LMCD1: variants seen among roughly 807,000 people sequenced by gnomAD.
LMCD1 encodes LIM and cysteine-rich domains protein 1.
A neutral mutation model predicts 42.7 loss-of-function variants in LMCD1; 32 were observed. The ratio of observed to expected loss-of-function variants is 0.75; its 90% CI spans 0.57 to 1.01. LMCD1 has a LOEUF of 1.01. LMCD1 is among the 50% of genes least tolerant of loss of function. The probability of loss-of-function intolerance (pLI) is 0.00; values close to 1 mark genes in which losing one functional copy is unlikely to be tolerated. For synonymous variants in LMCD1, 178 were observed against 184.9 expected, an observed-to-expected ratio of 0.96 and a Z score of 0.30; for missense variants, 458 against 483.1, an observed-to-expected ratio of 0.95 and a Z score of 0.49.
intron 1 of LMCD1, among the ~76,000 whole-genome samples, chr3:8,509,461 G>A (rs1056460878): frequency 6.6e-6 from 1 of 152,150 alleles, no homozygotes; most frequent in African/African-American, 2.4e-5. Flanking sequence ...ATAAGATAGG[G>A]CAACAGTCAC....
intron 2 of LMCD1, among the ~76,000 whole-genome samples, chr3:8,534,348 C>A (rs963364084): frequency 6.6e-6 from 1 of 151,944 alleles, no homozygotes; most frequent in Admixed American, 6.6e-5. Flanking sequence ...AATTCTGGAC[C>A]CTATTTTTCA....
intron 5 of LMCD1, among the ~76,000 whole-genome samples, chr3:8,567,196 A>G (rs1695144274): frequency 6.6e-6 from 1 of 152,186 alleles, no homozygotes; most frequent in Non-Finnish European, 1.5e-5. Context: ...TACCTAGATA[A>G]GTAAAACCTG....
At chr3:8,524,748 G>A (rs951319969) in intron 1 of LMCD1, among the ~76,000 whole-genome samples, 3 of 152,044 alleles carry the variant, frequency 2.0e-5, no homozygotes, top group Admixed American at 6.6e-5. Context: ...GCAGTGGCAC[G>A]ATCACAGGTC....
chr3:8,536,285 C>T (rs191706475), intron 2 of LMCD1, among the ~76,000 whole-genome samples: 265 of 152,252 alleles, frequency 1.7e-3, no homozygotes, highest in South Asian at 3.1e-3. Flanking sequence ...GGTGACAGGC[C>T]GGAAAGGGAG....
In LMCD1 at chr3:8,573,362, C is replaced by G. The variant is rs375752716; in HGVS notation, c.*5764C>G. The G allele has an allele frequency of 5.0e-4, 76 of 152,274 alleles. No individual in the cohort carries two copies. Among genetic ancestry groups the G allele is most frequent in the African/African-American group, 1.7e-3 (72 of 41,554 alleles). The allele number at this position is 152,274 out of a possible 1,614,324, so 9.4% of individuals were successfully genotyped here. ...AATCAAGCTAACATATCCATTACCT[C>G]ACATAGTTATTTTTTGTGGTGAGAA... On this transcript the variant is annotated 3_prime_UTR_variant, in exon 6 of 6. Coordinates refer to ENST00000157600, the MANE Select transcript of LMCD1 (RefSeq NM_014583.4).
At chr3:8,533,005 G>T (rs1272658077) in intron 2 of LMCD1, among the ~76,000 whole-genome samples, 180 bp downstream of exon 2, 7 of 152,138 alleles carry the variant, frequency 4.6e-5, no homozygotes, top group Non-Finnish European at 1.0e-4. Context: ...GTCCTTGGGG[G>T]AGTGTGGCGG....
intron 4 of LMCD1, among the ~76,000 whole-genome samples, chr3:8,556,371 A>C (rs2125036613): frequency 6.6e-6 from 1 of 152,196 alleles, no homozygotes; most frequent in Non-Finnish European, 1.5e-5. Flanking sequence ...AGGAGTAGTA[A>C]ATATTTTTCC....
At chr3:8,565,400 TTG>T (rs1464838814) in intron 4 of LMCD1, 30 bp from the exon 5 acceptor site, 1 of 1,588,800 alleles carries the variant, frequency 6.3e-7, no homozygotes, top group Non-Finnish European at 8.6e-7. Context: ...CCTGACTTCC[TTG>T]TCTCCTATGG....
intron 4 of LMCD1, among the ~76,000 whole-genome samples, chr3:8,562,497 C>A (rs541635590): frequency 5.3e-5 from 8 of 152,316 alleles, no homozygotes; most frequent in African/African-American, 1.7e-4. Context: ...GCTGTGCCCC[C>A]CTTCACAAGC....
chr3:8,560,724 A>G (rs971446098), intron 4 of LMCD1, among the ~76,000 whole-genome samples: 7 of 152,170 alleles, frequency 4.6e-5, no homozygotes, highest in Non-Finnish European at 7.4e-5. Flanking sequence ...CTGGTCACTG[A>G]TTTTTTGTCT....
chr3:8,503,203 A>AT lies in LMCD1; in HGVS notation c.42+1224dup, dbSNP rs1252670449. ...ATCTGCCATTAACCTGCAGGGTAGA[A>AT]TGAGAGGGGGAAAAACAAAAGACGT... On this transcript the variant is annotated intron_variant, in intron 1 of 5. Transcript: ENST00000157600. Among the ~76,000 whole-genome samples the AT allele has an allele frequency of 3.3e-5, 5 of 152,330 alleles. No homozygotes were observed. The East Asian group carries it at 9.6e-4, about 29-fold the overall frequency.
At position 8,550,289 on chromosome 3, in the gene LMCD1, G is replaced by C. The variant is rs28578259; in HGVS notation, c.723+1386G>C. 4,945 of 1,017,050 alleles carry C rather than the reference G, an allele frequency of 4.9e-3. 204 individuals carry two copies. In the African/African-American group the frequency reaches 0.079, roughly 16 times the overall value. 63.0% of individuals were successfully genotyped at this position (1,017,050 alleles called of 1,614,324 possible). On this transcript the variant is annotated intron_variant, in intron 4 of 5. Coordinates refer to ENST00000157600, the MANE Select transcript of LMCD1 (RefSeq NM_014583.4). ...TTGCTCCTCCTGCCCCATCAACCAAGTGTCTTCATTTGTTTCTATGGCAAT... is the reference window on the plus strand; with the variant it reads ...TTGCTCCTCCTGCCCCATCAACCAACTGTCTTCATTTGTTTCTATGGCAAT...
intron 1 of LMCD1, among the ~76,000 whole-genome samples, chr3:8,505,381 G>A (rs369084484): frequency 6.6e-6 from 1 of 152,198 alleles, no homozygotes; most frequent in South Asian, 2.1e-4. Flanking sequence ...TCACTTTGGA[G>A]TTATATAATG....
At chr3:8,535,517 C>G (rs886100189) in intron 2 of LMCD1, among the ~76,000 whole-genome samples, 7 of 152,290 alleles carry the variant, frequency 4.6e-5, no homozygotes, top group Admixed American at 2.6e-4. Context: ...ATCACCGTAT[C>G]AAAGTCAAAG....
intron 3 of LMCD1, among the ~76,000 whole-genome samples, chr3:8,542,025 T>G (rs1014987142): frequency 6.7e-6 from 1 of 149,066 alleles, no homozygotes; most frequent in Admixed American, 6.7e-5. Flanking sequence ...TTTTTTTTTT[T>G]TGTGACTGCT....
rs1476783720 is a variant in LMCD1 at position 8,570,902 on chromosome 3, T to C, written c.*3304T>C. 1 of 152,384 alleles carries C rather than the reference T, an allele frequency of 6.6e-6. No individual in the cohort carries two copies. The highest frequency in any genetic ancestry group is 2.1e-4 in the South Asian group (1 of 4,832). 9.4% of individuals were successfully genotyped at this position (152,384 alleles called of 1,614,324 possible). On this transcript the variant is annotated 3_prime_UTR_variant, in exon 6 of 6. Transcript: ENST00000157600. ...TTACAGTCACAGTGTGTGCCCCTGC[T>C]TTCCTCACCTCTGTACCATCACTCA...
chr3:8,502,058 C>T (rs2125005047), intron 1 of LMCD1, 78 bp downstream of exon 1: 2 of 1,376,676 alleles, frequency 1.5e-6, no homozygotes. Context: ...CGGAAACTTC[C>T]CAAAAGGTAA....
At chr3:8,543,420 T>TAGATAGATAGATAGATAGATAGATAGAC (rs1559353100) in intron 3 of LMCD1, among the ~76,000 whole-genome samples, 1 of 138,956 alleles carries the variant, frequency 7.2e-6, no homozygotes. Context: ...GATAGATAGA[T>TAGATAGATAGATAGATAGATAGATAGAC]AGATAGATAG....
chr3:8,562,324 T>C (rs895190574), intron 4 of LMCD1, among the ~76,000 whole-genome samples: 17 of 152,172 alleles, frequency 1.1e-4, no homozygotes, highest in African/African-American at 4.8e-5. Flanking sequence ...CCTCTAGCCA[T>C]TGGGCATGCT....
Sources: gnomAD v4.1 joint callset for allele counts (sites outside exome capture counted in the v4.1 genomes callset) on GRCh38, gnomAD v4.1.1 for gene constraint, MANE v1.5 for transcripts, NCBI Gene and HGNC (gene_info 2026-07-23, HGNC 2026-07-21) for gene names.